Variants in KRT84 observed in about 807,000 individuals in gnomAD.
KRT84 encodes the protein keratin 84.
A neutral mutation model predicts 49.0 loss-of-function variants in KRT84; 38 were observed. The observed-to-expected ratio is 0.78, with a 90% CI of 0.60 to 1.02. KRT84 has a LOEUF of 1.02. Among genes scored for constraint, KRT84 ranks in the 50% least tolerant of loss-of-function variants. The pLI, the probability that KRT84 is intolerant of heterozygous loss-of-function variation, is 0.00. For missense variants in KRT84, 860 were observed against 788.6 expected, an observed-to-expected ratio of 1.09 and a Z score of -1.08; for synonymous variants, 334 against 312.8, an observed-to-expected ratio of 1.07 and a Z score of -0.72.
At position 52,378,018 on chromosome 12, in the gene KRT84, G is replaced by C. The variant is rs769340257; in HGVS notation, c.*16C>G. The C allele has an allele frequency of 3.5e-6, 5 of 1,441,156 alleles. No individual in the cohort carries two copies. Among genetic ancestry groups the C allele is most frequent in the Admixed American group, 2.9e-5 (1 of 34,358 alleles). The allele number at this position is 1,441,156 out of a possible 1,614,324, so 89.3% of individuals were successfully genotyped here. A position where few individuals can be genotyped will look rare whatever the true frequency, so the allele number is the denominator to read the frequency against. On this transcript the variant is annotated 3_prime_UTR_variant, in exon 9 of 9. Coordinates refer to ENST00000257951, the MANE Select transcript of KRT84 (RefSeq NM_033045.4). ...GCTGGTTCTTCTCTGGGCAGCAGCT[G>C]TCTGGGGCTGGGCTCTCAGTACTTG...
At chr12:52,379,609 G>A (rs1269309826) in intron 8 of KRT84, among the ~76,000 whole-genome samples, 5 of 152,302 alleles carry the variant, frequency 3.3e-5, no homozygotes, top group East Asian at 1.9e-4. Context: ...GGACAAGGCC[G>A]CTCAAAGCAA....
In KRT84 at chr12:52,382,363, C is replaced by T. The variant is rs1469191646; in HGVS notation, c.912+74G>A. ...TAGCAAATGTTTGAAAATATGCTAG[C>T]CCAGGCTAAGCATTCAGGGAGTCCA... On this transcript the variant is annotated intron_variant, in intron 4 of 8. Coordinates refer to ENST00000257951, the MANE Select transcript of KRT84 (RefSeq NM_033045.4). 3 of 986,008 alleles carry T rather than the reference C, an allele frequency of 3.0e-6. No individual in the cohort carries two copies. The South Asian group carries it at 4.0e-5, about 13-fold the overall frequency. The allele number at this position is 986,008 out of a possible 1,614,324, so 61.1% of individuals were successfully genotyped here. A position where few individuals can be genotyped will look rare whatever the true frequency, so the allele number is the denominator to read the frequency against.
intron 2 of KRT84, 49 bp from the exon 3 acceptor site, chr12:52,383,114 A>T (rs1203607805): frequency 1.4e-6 from 2 of 1,480,830 alleles, no homozygotes; most frequent in East Asian, 4.5e-5. Flanking sequence ...ACTGAGAGGC[A>T]GTTACTCCCA....
At chr12:52,379,970 A>C in intron 7 of KRT84, 63 bp from the exon 8 acceptor site, 1 of 1,437,196 alleles carries the variant, frequency 7.0e-7, no homozygotes, top group Non-Finnish European at 9.8e-7. Flanking sequence ...CCTATTTGCC[A>C]TAAAAAGGGC....
At chr12:52,380,989 G>A (rs762590119) in intron 6 of KRT84, 91 bp downstream of exon 6, 7 of 1,506,656 alleles carry the variant, frequency 4.6e-6, no homozygotes, top group Admixed American at 2.0e-5. Context: ...GGTCTTGATG[G>A]TCTCCCTCAC....
chr12:52,385,130 C>G lies in KRT84; in HGVS notation c.456G>C (p.Leu152=). Residue 152 remains leucine (L), a synonymous_variant, in exon 1 of 9, where the codon CTG becomes CTC. Transcript: ENST00000257951. ...VNKSLLTPLN[L]EIDPNAQRVK... is the part of the protein sequence containing the mutation. ...CCCTCTGGGCATTGGGGTCAATCTCCAGGTTGAGGGGGGTCAGTAGGCTCT... is the reference window on the plus strand; with the variant it reads ...CCCTCTGGGCATTGGGGTCAATCTCGAGGTTGAGGGGGGTCAGTAGGCTCT... 1.3e-6 allele frequency: 2 copies of G among 1,598,272 alleles called. No homozygotes were observed. Among genetic ancestry groups the G allele is most frequent in the Non-Finnish European group, 1.7e-6 (2 of 1,171,910 alleles).
At position 52,381,089 on chromosome 12, in the gene KRT84, G is replaced by C; in HGVS notation, c.1194C>G (p.Ala398=). The C allele has an allele frequency of 6.2e-7, 1 of 1,614,016 alleles. No individual in the cohort carries two copies. Among genetic ancestry groups the C allele is most frequent in the Non-Finnish European group, 8.5e-7 (1 of 1,179,976 alleles). Residue 398 remains alanine, a synonymous_variant, in exon 6 of 9, where the codon GCC becomes GCG. Transcript: ENST00000257951. ...CCTTTCCTTTGCCCACCTGAGCCTT[G>C]GCGTGCTCAATCTCTGCCTTAAGCC... ...IQRLKAEIEH[A]KAQRAKLEAA...
intron 8 of KRT84, 128 bp from the exon 9 acceptor site, chr12:52,378,508 G>T: frequency 4.7e-6 from 3 of 635,304 alleles, no homozygotes; most frequent in South Asian, 2.5e-5. Flanking sequence ...CTGGGGAAGT[G>T]GTCCCTATTG....
At position 52,383,557 on chromosome 12, in the gene KRT84, G is replaced by A. The variant is rs565686517; in HGVS notation, c.755+33C>T. On this transcript the variant is annotated intron_variant, in intron 2 of 8. Transcript: ENST00000257951. The stretch of plus-strand genomic sequence containing the variant: ...CTAATTCTGGGGCCAGGCCTGGCCT[G>A]TCACTGGTCTGTGCAGCTCAGATGT... The A allele has an allele frequency of 5.1e-5, 81 of 1,589,502 alleles. No individual in the cohort carries two copies. The South Asian group carries it at 8.5e-4, about 17-fold the overall frequency.
rs548583005 is a variant in KRT84, at chr12:52,379,766, C to A, written c.1456+110G>T. On this transcript the variant is annotated intron_variant, in intron 8 of 8. Coordinates refer to ENST00000257951, the MANE Select transcript of KRT84 (RefSeq NM_033045.4). ...GGATGGTCCCAGCTCCCCTGACTGT[C>A]GTGGCCAGACCGGCCATGTCGGACG... is the stretch of plus-strand genomic sequence containing the variant. 4.7e-6 allele frequency: 4 copies of A among 851,614 alleles called. No homozygotes were observed. In the East Asian group the frequency reaches 1.0e-4, roughly 22 times the overall value. 52.8% of individuals were successfully genotyped at this position (851,614 alleles called of 1,614,324 possible). A position where few individuals can be genotyped will look rare whatever the true frequency, so the allele number is the denominator to read the frequency against.
rs1341561929 is a variant in KRT84 at position 52,381,482 on chromosome 12, A to G, written c.956T>C (p.Ile319Thr). 1 of 1,614,094 alleles carries G rather than the reference A, an allele frequency of 6.2e-7. No homozygotes were observed. The change falls in exon 5 of 9, where the codon ATT becomes ACT. Residue 319 changes from isoleucine to threonine, a missense_variant. Transcript: ENST00000257951. The part of the protein sequence containing the change: ...LQSHISETSV[I>T]VKMDNSRDLN... ...GTCACGGCTGTTGTCCATCTTCACA[A>G]TGACCGACGTCTCTGAGATGTGCGA...
chr12:52,379,892 A>G lies in KRT84; in HGVS notation c.1440T>C (p.Val480=). 1 of 1,612,258 alleles carries G rather than the reference A, an allele frequency of 6.2e-7. No homozygotes were observed. Among genetic ancestry groups the G allele is most frequent in the Non-Finnish European group, 8.5e-7 (1 of 1,178,338 alleles). ...GTTTCTTACATATGTTTACTGGTCC[A>G]ACACCTTCACAGAGCCTGGAAAGGG... is the stretch of plus-strand genomic sequence containing the variant. ...EGEESRLCEG[V]GPVNISVSSS... is the part of the protein sequence containing the mutation. The change falls in exon 8 of 9, where the codon GTT becomes GTC. Residue 480 remains valine (V), a synonymous_variant. Transcript: ENST00000257951.
chr12:52,380,401 G>A lies in KRT84; in HGVS notation c.1386C>T (p.Ile462=), dbSNP rs1387333772. 10 of 1,614,168 alleles carry A rather than the reference G, an allele frequency of 6.2e-6. No individual in the cohort carries two copies. The East Asian group carries it at 6.7e-5, about 11-fold the overall frequency. ...MNAKLGLDIE[I]ATYRRLLEGE... ...CCTCCAGCAGGCGCCTGTAGGTGGC[G>A]ATCTCGATGTCCAGGCCCAGCTTGG... The change falls in exon 7 of 9, where the codon ATC becomes ATT. Residue 462 remains isoleucine (I), a synonymous_variant. Transcript: ENST00000257951.
At chr12:52,380,822 T>C (rs1791655) in intron 6 of KRT84, among the ~76,000 whole-genome samples, 48,617 of 152,074 alleles carry the variant, frequency 0.32, 9,761 homozygotes, top group African/African-American at 0.57. Context: ...TGCCCCAGAG[T>C]CATGGCATCT....
intron 8 of KRT84, among the ~76,000 whole-genome samples, chr12:52,378,581 A>G (rs1939427508): frequency 6.6e-6 from 1 of 152,222 alleles, no homozygotes; most frequent in South Asian, 2.1e-4. Context: ...ACTACATTAA[A>G]ATCAAACATT....
intron 4 of KRT84, 80 bp downstream of exon 4, chr12:52,382,357 T>C: frequency 2.2e-6 from 2 of 930,230 alleles, no homozygotes; most frequent in Non-Finnish European, 3.5e-6. Flanking sequence ...TTTGAAAATA[T>C]GCTAGCCCAG....
intron 1 of KRT84, 69 bp downstream of exon 1, chr12:52,384,971 G>A (rs1484763898): frequency 6.8e-7 from 1 of 1,476,620 alleles, no homozygotes. Flanking sequence ...TTCTTTTTAA[G>A]GGAAAGAGCA....
At position 52,380,657 on chromosome 12, in the gene KRT84, C is replaced by T. The variant is rs893968096; in HGVS notation, c.1204-74G>A. 4.9e-6 allele frequency: 7 copies of T among 1,422,890 alleles called. No individual in the cohort carries two copies. In the Admixed American group the frequency reaches 8.4e-5, roughly 17 times the overall value. The allele number at this position is 1,422,890 out of a possible 1,614,324, so 88.1% of individuals were successfully genotyped here. On this transcript the variant is annotated intron_variant, in intron 6 of 8. Transcript: ENST00000257951. Reference sequence around the variant, plus strand: ...CCCAGGTTGGGTTAGAAACACGGCCCCTCTTAGTGGGAACATAGCCTGGGG... The same window carrying T: ...CCCAGGTTGGGTTAGAAACACGGCCTCTCTTAGTGGGAACATAGCCTGGGG...
intron 1 of KRT84, 75 bp from the exon 2 acceptor site, chr12:52,383,873 G>C: frequency 8.2e-7 from 1 of 1,223,442 alleles, no homozygotes; most frequent in Non-Finnish European, 1.2e-6. Context: ...TCTTGAGATG[G>C]CCAGCGATGA....
Sources: gnomAD v4.1 joint callset for allele counts (sites outside exome capture counted in the v4.1 genomes callset) on GRCh38, gnomAD v4.1.1 for gene constraint, MANE v1.5 for transcripts, NCBI Gene and HGNC (gene_info 2026-07-23, HGNC 2026-07-21) for gene names.